The following TMLHE variants were observed in gnomAD, a reference collection of about 807,000 sequenced individuals.
TMLHE encodes trimethyllysine dioxygenase, mitochondrial.
In TMLHE, 18 loss-of-function variants were observed where a neutral mutation model predicts 25.7. The ratio of observed to expected loss-of-function variants is 0.70; its 90% CI spans 0.48 to 1.04. TMLHE has a LOEUF of 1.04. TMLHE is among the 50% of genes least tolerant of loss of function. TMLHE has a pLI of 0.00. For missense variants in TMLHE, 236 were observed against 259.0 expected, an observed-to-expected ratio of 0.91 and a Z score of 0.61; for synonymous variants, 105 against 97.0, an observed-to-expected ratio of 1.08 and a Z score of -0.49.
chrX:155,578,003 G>C (rs2067601987), intron 1 of TMLHE, among the ~76,000 whole-genome samples: 1 of 111,890 alleles, frequency 8.9e-6, no homozygotes, highest in Admixed American at 9.4e-5. Context: ...TGAGAGCCCA[G>C]TCCCCAAAGA....
chrX:155,515,339 C>T (rs960728659), intron 3 of TMLHE, among the ~76,000 whole-genome samples: 27 of 110,358 alleles, frequency 2.4e-4, no homozygotes, highest in African/African-American at 7.2e-4. Context: ...ATTTTTAAAG[C>T]TTACAAAATA....
chrX:155,523,153 T>C (rs2067198781), intron 3 of TMLHE, among the ~76,000 whole-genome samples: 1 of 112,155 alleles, frequency 8.9e-6, no homozygotes, highest in Non-Finnish European at 1.9e-5. Flanking sequence ...GTATATCCTA[T>C]TCAGGAAAAT....
intron 2 of TMLHE, among the ~76,000 whole-genome samples, chrX:155,532,989 G>A (rs1242194295): frequency 9.0e-6 from 1 of 111,656 alleles, no homozygotes; most frequent in Non-Finnish European, 1.9e-5. Context: ...AATTTGACTG[G>A]ACCATGGGGT....
In TMLHE at chrX:155,524,560, C is replaced by G. The variant is rs782782626; in HGVS notation, c.254G>C (p.Cys85Ser). 1.7e-6 allele frequency: 2 copies of G among 1,208,505 alleles called. No individual in the cohort carries two copies. Among genetic ancestry groups the G allele is most frequent in the Non-Finnish European group, 2.2e-6 (2 of 893,852 alleles). Residue 85 changes from cysteine to serine, a missense_variant, in exon 3 of 8, where the codon TGC (cysteine) becomes TCC (serine). By Grantham distance (112) the Cys-to-Ser change is moderately radical (BLOSUM62 -1). This residue lies in a region of TMLHE where 217 missense variants were observed against 214.6 expected (regional missense o/e 1.01). Coordinates refer to ENST00000334398, the MANE Select transcript of TMLHE (RefSeq NM_018196.4). The part of the protein sequence containing the change: ...WLRDHCRSAS[C>S]YNSKTHQRSL... The stretch of plus-strand genomic sequence containing the variant: ...GCGCTGGTGAGTCTTAGAGTTGTAG[C>G]ACGATGCTGAGCGGCAGTGGTCTCG...
chrX:155,583,369 A>G (rs1425129698), intron 1 of TMLHE, among the ~76,000 whole-genome samples: 1 of 111,132 alleles, frequency 9.0e-6, no homozygotes, highest in African/African-American at 3.3e-5. Flanking sequence ...AAATAAATAA[A>G]ACCATCAGCT....
intron 1 of TMLHE, among the ~76,000 whole-genome samples, chrX:155,568,149 C>T (rs1557342336): frequency 1.6e-5 from 1 of 61,377 alleles, no homozygotes; most frequent in African/African-American, 3.6e-5. Flanking sequence ...TGCGCTTTTC[C>T]GACAGGCTGA....
chrX:155,583,762 C>T (rs891270632), intron 1 of TMLHE, among the ~76,000 whole-genome samples: 6 of 111,365 alleles, frequency 5.4e-5, no homozygotes, highest in Non-Finnish European at 9.4e-5. Context: ...AAGTAATGTG[C>T]ACACATGGAC....
chrX:155,552,100 T>C (rs782460952), intron 1 of TMLHE, among the ~76,000 whole-genome samples: 93 of 109,850 alleles, frequency 8.5e-4, no homozygotes, highest in Non-Finnish European at 1.6e-3. Context: ...TACAATAGGG[T>C]ATATTATCCT....
intron 1 of TMLHE, among the ~76,000 whole-genome samples, chrX:155,603,708 T>C (rs1433837665): frequency 1.8e-5 from 2 of 112,041 alleles, no homozygotes; most frequent in Middle Eastern, 4.6e-3. Flanking sequence ...GATAGTACAG[T>C]TGGATATCCA....
intron 1 of TMLHE, among the ~76,000 whole-genome samples, chrX:155,557,191 G>A (rs1258375991): frequency 1.8e-5 from 2 of 112,126 alleles, no homozygotes; most frequent in African/African-American, 6.5e-5. Context: ...GACAGGCCTA[G>A]GAAATCACAA....
chrX:155,562,332 G>A (rs1557341916), intron 1 of TMLHE, among the ~76,000 whole-genome samples: 1 of 61,547 alleles, frequency 1.6e-5, no homozygotes, highest in African/African-American at 3.6e-5. Flanking sequence ...GGAGTGGCTG[G>A]GATGCAGGGC....
At chrX:155,579,608 C>A (rs2067612583) in intron 1 of TMLHE, among the ~76,000 whole-genome samples, 2 of 111,699 alleles carry the variant, frequency 1.8e-5, no homozygotes, top group Non-Finnish European at 3.8e-5. Flanking sequence ...TGGGGTATGA[C>A]TAAATCTGTC....
intron 3 of TMLHE, among the ~76,000 whole-genome samples, chrX:155,518,423 A>G (rs2067171170): frequency 1.1e-5 from 1 of 93,024 alleles, no homozygotes; most frequent in Non-Finnish European, 2.1e-5. Flanking sequence ...TCGGTTTGCC[A>G]GTATTTTATT....
At chrX:155,510,988 C>A (rs925636366) in intron 5 of TMLHE, among the ~76,000 whole-genome samples, 1 of 110,991 alleles carries the variant, frequency 9.0e-6, no homozygotes, top group African/African-American at 3.3e-5. Flanking sequence ...ATTTGCATTT[C>A]TCTGATGGCC....
chrX:155,525,893 G>A (rs1342735736), intron 2 of TMLHE, among the ~76,000 whole-genome samples: 3 of 112,421 alleles, frequency 2.7e-5, no homozygotes, highest in African/African-American at 9.7e-5. Context: ...TCAAGATGTG[G>A]CCTGGCTGCT....
rs148365432 is a variant in TMLHE, at chrX:155,542,810, T to C, written c.181+2286A>G. ...AAGTCCACTGCAATTCTTATCTTTG[T>C]TTCTCTGTAGGTAAGGTGTTTTTCT... On this transcript the variant is annotated intron_variant, in intron 2 of 7. Coordinates refer to ENST00000334398, the MANE Select transcript of TMLHE (RefSeq NM_018196.4). Among the ~76,000 whole-genome samples, 763 of 111,292 alleles carry C rather than the reference T, an allele frequency of 6.9e-3. 6 individuals carry two copies. The highest frequency in any genetic ancestry group is 0.024 in the African/African-American group (724 of 30,675).
At chrX:155,548,676 A>G (rs1187010909) in intron 1 of TMLHE, among the ~76,000 whole-genome samples, 1 of 108,756 alleles carries the variant, frequency 9.2e-6, no homozygotes, top group African/African-American at 3.4e-5. Flanking sequence ...CAAAGGTTGC[A>G]GTGAGCTGAG....
chrX:155,555,380 T>A (rs1339385548), intron 1 of TMLHE, among the ~76,000 whole-genome samples: 4 of 110,460 alleles, frequency 3.6e-5, no homozygotes, highest in Non-Finnish European at 7.6e-5. Context: ...TATAATCCTT[T>A]GGGTATATAC....
In TMLHE at chrX:155,571,378, G is replaced by C. The variant is rs1557343093; in HGVS notation, c.-1-26101C>G. On this transcript the variant is annotated intron_variant, in intron 1 of 7. Coordinates refer to ENST00000334398, the MANE Select transcript of TMLHE (RefSeq NM_018196.4). ...ACCAAAAAGAGTCCAGGACCAGATG[G>C]ATTCACAGCCGAATTCTACCAGAGG... Among the ~76,000 whole-genome samples the C allele has an allele frequency of 3.6e-5, 2 of 55,313 alleles. 1 individual carries two copies. Among genetic ancestry groups the C allele is most frequent in the Non-Finnish European group, 9.3e-5 (2 of 21,461 alleles). The allele number at this position is 55,313 out of a possible 115,157, so 48.0% of individuals were successfully genotyped here. A position where few individuals can be genotyped will look rare whatever the true frequency, so the allele number is the denominator to read the frequency against.
Sources: gnomAD v4.1 joint callset for allele counts (sites outside exome capture counted in the v4.1 genomes callset) on GRCh38, gnomAD v4.1.1 for gene constraint, gnomAD v4.1.1 regional missense constraint, MANE v1.5 for transcripts, NCBI Gene and HGNC (gene_info 2026-07-23, HGNC 2026-07-21) for gene names.